The following RCL1 variants were observed in gnomAD, a reference collection of about 807,000 sequenced individuals.
RCL1 encodes the protein RNA 3'-terminal phosphate cyclase-like protein.
In RCL1, 24 loss-of-function variants were observed where a neutral mutation model predicts 42.4. That is an observed-to-expected ratio of 0.57 (90% CI 0.41 to 0.80). RCL1 has a LOEUF of 0.80. RCL1 is among the 30% of genes least tolerant of loss of function. The pLI is 0.00. For synonymous variants in RCL1, 228 were observed against 177.3 expected (o/e 1.29, Z -2.27); for missense variants, 578 against 467.9 (o/e 1.24, Z -2.17).
At chr9:4,804,717 G>A in intron 1 of RCL1, 1 of 177,288 alleles carries the variant, frequency 5.6e-6, no homozygotes, top group Non-Finnish European at 1.2e-5. Flanking sequence ...GCGCTGGTGG[G>A]GAGGACGATC....
rs142885774 is a variant in RCL1 at position 4,822,806 on chromosome 9, C to T, written c.137-742C>T. On this transcript the variant is annotated intron_variant, in intron 1 of 8. Transcript: ENST00000381750. ...ACTATACTCCAGTTTGGGCAACAAA[C>T]CCTGTCTCTTAAAAATAAATAAATA... 3.0e-3 allele frequency among the ~76,000 whole-genome samples: 462 copies of T among 152,100 alleles called. 3 individuals carry two copies. The highest frequency in any genetic ancestry group is 6.8e-3 in the Middle Eastern group (2 of 294).
At chr9:4,824,877 T>G (rs1322191452) in intron 2 of RCL1, among the ~76,000 whole-genome samples, 2 of 152,210 alleles carry the variant, frequency 1.3e-5, no homozygotes, top group Non-Finnish European at 2.9e-5. Context: ...TTTCAGTAAC[T>G]TTCATTGGTG....
intron 1 of RCL1, among the ~76,000 whole-genome samples, chr9:4,814,430 C>T (rs1311320005): frequency 6.6e-6 from 1 of 152,006 alleles, no homozygotes; most frequent in Admixed American, 6.6e-5. Context: ...GCCACCATGC[C>T]CGGCTTTTGT....
intron 8 of RCL1, among the ~76,000 whole-genome samples, chr9:4,854,883 G>T (rs1470266462): frequency 6.6e-6 from 1 of 151,856 alleles, no homozygotes; most frequent in South Asian, 2.1e-4. Context: ...GTGAAACCCC[G>T]TCTCTACTAA....
intron 1 of RCL1, among the ~76,000 whole-genome samples, chr9:4,815,375 G>A (rs1471666375): frequency 6.6e-6 from 1 of 151,614 alleles, no homozygotes; most frequent in African/African-American, 2.4e-5. Context: ...TGTGTCTTAT[G>A]CTTGATCATG....
chr9:4,816,103 C>T (rs1475898735), intron 1 of RCL1, among the ~76,000 whole-genome samples: 1 of 152,096 alleles, frequency 6.6e-6, no homozygotes, highest in Non-Finnish European at 1.5e-5. Context: ...TTCTAGCTGG[C>T]CATCTTGATC....
In RCL1 at chr9:4,847,373, G is replaced by A. The variant is rs1817555337; in HGVS notation, c.868-2074G>A. ...TGATGTGACATGGATTGAATGAGTG[G>A]TAAAAAATCCATCCCTTTTGAAGGT... is the stretch of plus-strand genomic sequence containing the variant. On this transcript the variant is annotated intron_variant, in intron 7 of 8. Transcript: ENST00000381750. Among the ~76,000 whole-genome samples, 3 of 152,130 alleles carry A rather than the reference G, an allele frequency of 2.0e-5. No individual in the cohort carries two copies. The South Asian group carries it at 6.2e-4, about 32-fold the overall frequency.
intron 8 of RCL1, among the ~76,000 whole-genome samples, chr9:4,858,861 T>C (rs114339861): frequency 0.014 from 2,158 of 152,320 alleles, 49 homozygotes; most frequent in African/African-American, 0.047. Context: ...CATTCTTCAC[T>C]AAGCCAGTAT....
At chr9:4,816,406 T>C (rs1816379542) in intron 1 of RCL1, among the ~76,000 whole-genome samples, 1 of 152,216 alleles carries the variant, frequency 6.6e-6, no homozygotes, top group Admixed American at 6.5e-5. Flanking sequence ...GTCTTCTGTT[T>C]TAAAATATAA....
chr9:4,809,676 C>CATTATATAT (rs753670963), intron 1 of RCL1, among the ~76,000 whole-genome samples: 1 of 152,188 alleles, frequency 6.6e-6, no homozygotes, highest in Non-Finnish European at 1.5e-5. Flanking sequence ...ATATGAAATT[C>CATTATATAT]TCTTCATTAA....
intron 1 of RCL1, among the ~76,000 whole-genome samples, chr9:4,795,124 C>T (rs539234363): frequency 6.6e-6 from 1 of 152,038 alleles, no homozygotes; most frequent in Non-Finnish European, 1.5e-5. Context: ...GTCTCCCAGG[C>T]TGGAGTGCCG....
intron 1 of RCL1, among the ~76,000 whole-genome samples, chr9:4,798,163 G>A (rs971176647): frequency 3.3e-5 from 5 of 152,194 alleles, no homozygotes; most frequent in Non-Finnish European, 5.9e-5. Context: ...TCATTTCACA[G>A]CGTGATGGAC....
intron 1 of RCL1, among the ~76,000 whole-genome samples, chr9:4,795,288 T>A (rs1842896369): frequency 6.6e-6 from 1 of 152,152 alleles, no homozygotes; most frequent in Non-Finnish European, 1.5e-5. Flanking sequence ...TTCACCATGT[T>A]GGCCAGGCTG....
At chr9:4,816,349 C>G (rs78932114) in intron 1 of RCL1, among the ~76,000 whole-genome samples, 3,942 of 152,222 alleles carry the variant, frequency 0.026, 172 homozygotes, top group African/African-American at 0.09. Context: ...ATTTATAAAT[C>G]TTGCCTATCC....
At chr9:4,799,306 T>C (rs1842962097) in intron 1 of RCL1, among the ~76,000 whole-genome samples, 1 of 151,968 alleles carries the variant, frequency 6.6e-6, no homozygotes, top group African/African-American at 2.4e-5. Flanking sequence ...CTATCTACCA[T>C]CTTTTTTAAG....
chr9:4,793,025 C>A lies in RCL1; in HGVS notation c.-67C>A. On this transcript the variant is annotated 5_prime_UTR_variant, in exon 1 of 9. Coordinates refer to ENST00000381750, the MANE Select transcript of RCL1 (RefSeq NM_005772.5). ...TCGCCGCCACCACCACCATCGGAGT[C>A]ACGAGTCCCGCGTCTGTCCGAAGTC... is the stretch of plus-strand genomic sequence containing the variant. 1.3e-6 allele frequency: 2 copies of A among 1,537,618 alleles called. No homozygotes were observed. The highest frequency in any genetic ancestry group is 1.2e-5 in the South Asian group (1 of 83,644).
At chr9:4,794,777 CCTT>C (rs1842887190) in intron 1 of RCL1, among the ~76,000 whole-genome samples, 1 of 152,086 alleles carries the variant, frequency 6.6e-6, no homozygotes, top group Non-Finnish European at 1.5e-5. Flanking sequence ...GTATGCTTCT[CCTT>C]CTCCCCCTCC....
chr9:4,831,329 A>AAAAAAAGTTACT (rs1164761585), intron 3 of RCL1, among the ~76,000 whole-genome samples: 1,769 of 152,174 alleles, frequency 0.012, 37 homozygotes, highest in African/African-American at 0.041. Flanking sequence ...CCCTCGAGAG[A>AAAAAAAGTTACT]GCCGGTGGCT....
intron 8 of RCL1, among the ~76,000 whole-genome samples, chr9:4,857,524 T>G (rs1395024814): frequency 6.6e-6 from 1 of 152,258 alleles, no homozygotes; most frequent in Non-Finnish European, 1.5e-5. Context: ...GGTAGACATT[T>G]GGGTTGCTTC....
Sources: allele counts gnomAD v4.1 joint callset (sites outside exome capture counted in the v4.1 genomes callset), GRCh38; gene constraint gnomAD v4.1.1; transcripts MANE v1.5; gene names NCBI Gene and HGNC (gene_info 2026-07-23, HGNC 2026-07-21).